Variants in RERE observed in about 807,000 individuals in gnomAD.
The protein encoded by RERE is arginine-glutamic acid dipeptide repeats.
RERE carries 40 observed loss-of-function variants against 146.1 expected under a neutral mutation model. The ratio of observed to expected loss-of-function variants is 0.27; its 90% CI spans 0.21 to 0.36. RERE has a LOEUF of 0.36. Among genes scored for constraint, RERE ranks in the 10% least tolerant of loss-of-function variants. The pLI is 1.00. For synonymous variants in RERE, 1,003 were observed against 866.0 expected (o/e 1.16, Z -2.78); for missense variants, 1,933 against 2,138.7 (o/e 0.90, Z 1.90).
At chr1:8,789,301 A>AAAAAAAAAAAAAAAAAAAAAATATATAT in intron 1 of RERE, among the ~76,000 whole-genome samples, 5 of 24,824 alleles carry the variant, frequency 2.0e-4, no homozygotes, top group Non-Finnish European at 2.6e-4. Flanking sequence ...AAAAAAAAAA[A>AAAAAAAAAAAAAAAAAAAAAATATATAT]ATATATATAT....
chr1:8,659,773 G>C (rs1400405411), intron 1 of RERE, among the ~76,000 whole-genome samples: 1 of 152,128 alleles, frequency 6.6e-6, no homozygotes, highest in African/African-American at 2.4e-5. Flanking sequence ...AACTGCTCCA[G>C]AAAACTGTGT....
chr1:8,404,115 C>T (rs1011646720), intron 12 of RERE, among the ~76,000 whole-genome samples: 5 of 151,886 alleles, frequency 3.3e-5, no homozygotes, highest in African/African-American at 9.7e-5. Context: ...AGGCCTGAGC[C>T]GCTGCACCCA....
intron 5 of RERE, 131 bp from the exon 6 acceptor site, chr1:8,556,702 A>G (rs572677744): frequency 1.6e-6 from 1 of 609,324 alleles, no homozygotes; most frequent in Non-Finnish European, 2.9e-6. Flanking sequence ...TTAAGTATGC[A>G]AAATAGAGAA....
chr1:8,362,834 A>G lies in RERE; in HGVS notation c.1751T>C (p.Leu584Pro), dbSNP rs1557589135. 3 of 1,612,012 alleles carry G rather than the reference A, an allele frequency of 1.9e-6. No individual in the cohort carries two copies. The highest frequency in any genetic ancestry group is 2.5e-6 in the Non-Finnish European group (3 of 1,178,952). Residue 584 changes from leucine to proline, a missense_variant, in exon 16 of 23, where the codon CTA becomes CCA. Transcript: ENST00000400908. ...TGGCTGCTTCTTCCGACCACTGCGT[A>G]GTGTCGACATCTGCCCACCCAAACC... ...TRRSRGSMSTLRSGRKKQPAS... is the reference protein window; with the variant it reads ...TRRSRGSMSTPRSGRKKQPAS...
intron 1 of RERE, among the ~76,000 whole-genome samples, chr1:8,734,467 G>A (rs1042065365): frequency 6.6e-6 from 1 of 152,124 alleles, no homozygotes; most frequent in Non-Finnish European, 1.5e-5. Context: ...TTATGGAAGT[G>A]AATCCAGACA....
intron 1 of RERE, among the ~76,000 whole-genome samples, chr1:8,661,177 C>T (rs1638448710): frequency 6.6e-6 from 1 of 152,034 alleles, no homozygotes. Context: ...AGAGAGAAAG[C>T]CAAGGACACA....
intron 7 of RERE, among the ~76,000 whole-genome samples, chr1:8,537,361 C>A (rs191281844): frequency 6.6e-6 from 1 of 152,048 alleles, no homozygotes; most frequent in Non-Finnish European, 1.5e-5. Context: ...ATGTAACACC[C>A]CAGCAGTGTT....
At chr1:8,755,304 T>C (rs1332689930) in intron 1 of RERE, among the ~76,000 whole-genome samples, 1 of 152,256 alleles carries the variant, frequency 6.6e-6, no homozygotes, top group Non-Finnish European at 1.5e-5. Flanking sequence ...ATAAATTAAA[T>C]CTGGCATCAC....
intron 2 of RERE, among the ~76,000 whole-genome samples, chr1:8,628,270 G>T (rs1032586649): frequency 6.6e-6 from 1 of 152,004 alleles, no homozygotes; most frequent in Non-Finnish European, 1.5e-5. Context: ...TTACAGTTTT[G>T]TAAGCCACTG....
chr1:8,392,418 C>A (rs761684012), intron 12 of RERE, among the ~76,000 whole-genome samples: 1 of 152,218 alleles, frequency 6.6e-6, no homozygotes, highest in African/African-American at 2.4e-5. Flanking sequence ...ATCTATATAT[C>A]TCTCTGTCTA....
At chr1:8,579,426 C>T (rs896549155) in intron 4 of RERE, among the ~76,000 whole-genome samples, 9 of 152,190 alleles carry the variant, frequency 5.9e-5, no homozygotes, top group African/African-American at 2.2e-4. Flanking sequence ...TTTTCTAGCT[C>T]TACCATCAAT....
chr1:8,539,554 T>C (rs1023171200), intron 7 of RERE, among the ~76,000 whole-genome samples: 1 of 152,078 alleles, frequency 6.6e-6, no homozygotes, highest in Middle Eastern at 3.2e-3. Flanking sequence ...TAAAGGTGTG[T>C]GCCACCATGC....
At chr1:8,501,118 G>C (rs1456897853) in intron 8 of RERE, among the ~76,000 whole-genome samples, 1 of 146,970 alleles carries the variant, frequency 6.8e-6, no homozygotes, top group African/African-American at 2.5e-5. Context: ...CTACTGGGAA[G>C]TGAGGAGCCC....
intron 4 of RERE, among the ~76,000 whole-genome samples, chr1:8,607,530 A>ATATATTTTTTTTTT (rs1646732034): frequency 1.7e-5 from 1 of 57,582 alleles, no homozygotes; most frequent in East Asian, 9.6e-4. Context: ...TTTTATATAT[A>ATATATTTTTTTTTT]TTTCTTTTTT....
At chr1:8,362,607 G>C in intron 16 of RERE, 76 bp downstream of exon 16, 2 of 1,569,956 alleles carry the variant, frequency 1.3e-6, no homozygotes, top group Admixed American at 3.4e-5. Flanking sequence ...TGAGGGAGCT[G>C]ATCACGAATA....
intron 1 of RERE, among the ~76,000 whole-genome samples, chr1:8,715,671 C>T (rs1359150646): frequency 4.6e-5 from 7 of 151,970 alleles, no homozygotes; most frequent in Admixed American, 3.9e-4. Flanking sequence ...TGGGAGGCCA[C>T]AGCAGGCAGA....
At chr1:8,499,478 G>A (rs1361235793) in intron 8 of RERE, among the ~76,000 whole-genome samples, 1 of 150,548 alleles carries the variant, frequency 6.6e-6, no homozygotes, top group African/African-American at 2.5e-5. Context: ...CCCATCCAGG[G>A]AATGCTGCCA....
chr1:8,617,801 T>C (rs888744293), intron 3 of RERE, among the ~76,000 whole-genome samples: 2 of 152,322 alleles, frequency 1.3e-5, no homozygotes, highest in Admixed American at 6.5e-5. Flanking sequence ...CAAAACAATA[T>C]AATGATGCCT....
intron 1 of RERE, chr1:8,753,328 A>G (rs879394452): frequency 1.3e-5 from 2 of 152,122 alleles, no homozygotes; most frequent in Non-Finnish European, 2.9e-5. Flanking sequence ...TATTCCACGC[A>G]TTTTTGCAAT....
Sources: allele counts gnomAD v4.1 joint callset (sites outside exome capture counted in the v4.1 genomes callset), GRCh38; gene constraint gnomAD v4.1.1; transcripts MANE v1.5; gene names NCBI Gene and HGNC (gene_info 2026-07-23, HGNC 2026-07-21).